Variants in DPP6 observed in about 807,000 individuals in gnomAD.
DPP6 encodes the protein A-type potassium channel modulatory protein DPP6.
A neutral mutation model predicts 122.6 loss-of-function variants in DPP6; 69 were observed. The ratio of observed to expected loss-of-function variants is 0.56; its 90% CI spans 0.46 to 0.69. The LOEUF (loss-of-function observed/expected upper bound fraction) is 0.69, where lower values mean the gene tolerates loss of function less well. Ranked by LOEUF, DPP6 falls within the 30% of genes least tolerant of loss-of-function variation. DPP6 has a pLI of 0.00. For synonymous variants in DPP6, 418 were observed against 433.1 expected (o/e 0.97, Z 0.43); for missense variants, 928 against 1,116.9 (o/e 0.83, Z 2.41).
In DPP6 at chr7:154,565,588, C is replaced by G. The variant is rs114783657; in HGVS notation, c.553-1254C>G. 6.8e-3 allele frequency among the ~76,000 whole-genome samples: 1,031 copies of G among 152,120 alleles called. 13 individuals carry two copies. The highest frequency in any genetic ancestry group is 0.022 in the African/African-American group (902 of 41,484). Reference sequence around the variant, plus strand: ...TCGCCCAGGCTGGAGTGCAATGGCGCGATCTCGGTCCGCCACAACCTCTGC... The same window carrying G: ...TCGCCCAGGCTGGAGTGCAATGGCGGGATCTCGGTCCGCCACAACCTCTGC... On this transcript the variant is annotated intron_variant, in intron 4 of 25. Coordinates refer to ENST00000377770, the MANE Select transcript of DPP6 (RefSeq NM_130797.4).
At chr7:153,833,155 A>C in the DPP6 span, among the ~76,000 whole-genome samples, 2 of 152,182 alleles carry the variant, frequency 1.3e-5, no homozygotes, top group Non-Finnish European at 2.9e-5. Flanking sequence ...GACTTCCTAA[A>C]GTATTCATCT....
intron 5 of DPP6, among the ~76,000 whole-genome samples, chr7:154,607,986 CTT>C (rs1158332977): frequency 2.0e-5 from 2 of 102,140 alleles, no homozygotes; most frequent in Non-Finnish European, 2.2e-5. Flanking sequence ...TTTTTTTTTT[CTT>C]TTTTTTTTTG....
chr7:153,905,016 TG>T (rs1799790646), intron 1 of DPP6, among the ~76,000 whole-genome samples: 1 of 152,220 alleles, frequency 6.6e-6, no homozygotes, highest in Non-Finnish European at 1.5e-5. Context: ...TCTGATCTAA[TG>T]CCAATACAGT....
chr7:154,576,463 A>ATGCCTT (rs1831679786), intron 5 of DPP6, among the ~76,000 whole-genome samples: 1 of 152,110 alleles, frequency 6.6e-6, no homozygotes, highest in African/African-American at 2.4e-5. Flanking sequence ...GGAAACACAC[A>ATGCCTT]TGCCTTTTGT....
the DPP6 span, among the ~76,000 whole-genome samples, chr7:153,826,691 G>C: frequency 6.6e-6 from 1 of 152,036 alleles, no homozygotes; most frequent in South Asian, 2.1e-4. Flanking sequence ...AAAAACTTCT[G>C]TGTCTCTGTG....
chr7:154,787,402 C>G (rs543788965), intron 10 of DPP6, among the ~76,000 whole-genome samples: 1 of 152,258 alleles, frequency 6.6e-6, no homozygotes, highest in East Asian at 1.9e-4. Flanking sequence ...GGAATGACAT[C>G]TTTATTAAAT....
chr7:153,866,010 T>G, the DPP6 span, among the ~76,000 whole-genome samples: 5 of 152,042 alleles, frequency 3.3e-5, no homozygotes, highest in African/African-American at 1.2e-4. Flanking sequence ...GCATAGTATT[T>G]CATGGTGTAT....
At chr7:154,096,857 T>A (rs896036986) in intron 1 of DPP6, among the ~76,000 whole-genome samples, 120 of 152,372 alleles carry the variant, frequency 7.9e-4, no homozygotes, top group African/African-American at 2.9e-3. Flanking sequence ...CAATTATATT[T>A]ATAACAACAG....
chr7:154,434,683 C>T (rs115102511), intron 1 of DPP6, among the ~76,000 whole-genome samples: 93 of 152,276 alleles, frequency 6.1e-4, no homozygotes, highest in African/African-American at 2.2e-3. Flanking sequence ...AATAACCCAT[C>T]ACAGAAATGA....
chr7:154,592,922 C>G (rs1310376383), intron 5 of DPP6, among the ~76,000 whole-genome samples: 1 of 152,112 alleles, frequency 6.6e-6, no homozygotes, highest in Non-Finnish European at 1.5e-5. Flanking sequence ...AACTAATACC[C>G]CATTTGGCAG....
intron 5 of DPP6, among the ~76,000 whole-genome samples, chr7:154,593,878 G>C (rs1353541360): frequency 6.6e-6 from 1 of 152,206 alleles, no homozygotes; most frequent in African/African-American, 2.4e-5. Flanking sequence ...GCTAGATCTT[G>C]TACTGCAATT....
rs555436814 is a variant in DPP6, at chr7:154,203,683, C to G, written c.243+150620C>G. ...GAGAATTGGAGGAAATAGCTGCAAC[C>G]AAAAGTGAAGAAATAATAAGACACC... is the stretch of plus-strand genomic sequence containing the variant. On this transcript the variant is annotated intron_variant, in intron 1 of 25. Coordinates refer to ENST00000377770, the MANE Select transcript of DPP6 (RefSeq NM_130797.4). Among the ~76,000 whole-genome samples the G allele has an allele frequency of 3.9e-5, 6 of 152,250 alleles. 1 individual carries two copies. The highest frequency in any genetic ancestry group is 1.2e-4 in the African/African-American group (5 of 41,556).
At chr7:154,466,838 C>T (rs182566549) in intron 2 of DPP6, among the ~76,000 whole-genome samples, 1 of 152,338 alleles carries the variant, frequency 6.6e-6, no homozygotes, top group Admixed American at 6.5e-5. Context: ...CACTCTACCC[C>T]AAGGTCCCCA....
the DPP6 span, among the ~76,000 whole-genome samples, chr7:153,806,092 T>C: frequency 6.6e-6 from 1 of 151,830 alleles, no homozygotes; most frequent in Non-Finnish European, 1.5e-5. Context: ...AAGAATGAAG[T>C]GTTTGGCAGC....
intron 10 of DPP6, 176 bp from the exon 11 acceptor site, chr7:154,793,903 C>T (rs1797843461): frequency 9.8e-7 from 1 of 1,023,854 alleles, no homozygotes; most frequent in African/African-American, 1.6e-5. Flanking sequence ...CCTCAGAGTC[C>T]CGCGCCAGTG....
At chr7:154,010,358 C>T (rs1798104606) in intron 1 of DPP6, among the ~76,000 whole-genome samples, 1 of 152,218 alleles carries the variant, frequency 6.6e-6, no homozygotes, top group Middle Eastern at 3.2e-3. Flanking sequence ...TGGCATGTTG[C>T]AAAATCAAAC....
chr7:154,375,961 C>A (rs1215285352), intron 1 of DPP6, among the ~76,000 whole-genome samples: 1 of 152,186 alleles, frequency 6.6e-6, no homozygotes, highest in African/African-American at 2.4e-5. Context: ...CCTCGAGGGG[C>A]CCAGCTAGGT....
chr7:154,623,595 A>G (rs1834850699), intron 5 of DPP6, among the ~76,000 whole-genome samples: 1 of 143,238 alleles, frequency 7.0e-6, no homozygotes, highest in East Asian at 2.0e-4. Flanking sequence ...ACGCGCACAC[A>G]CACGCTGACA....
intron 1 of DPP6, among the ~76,000 whole-genome samples, chr7:154,285,696 G>A (rs1418759213): frequency 2.0e-5 from 3 of 152,216 alleles, no homozygotes; most frequent in Non-Finnish European, 4.4e-5. Context: ...ATTTTGAGAA[G>A]CGTGAAAGCT....
Sources: allele counts gnomAD v4.1 joint callset (sites outside exome capture counted in the v4.1 genomes callset), GRCh38; gene constraint gnomAD v4.1.1; transcripts MANE v1.5; gene names NCBI Gene and HGNC (gene_info 2026-07-23, HGNC 2026-07-21).